The following ACAP1 variants were observed in gnomAD, a reference collection of about 807,000 sequenced individuals.
ACAP1 encodes arf-GAP with coiled-coil, ANK repeat and PH domain-containing protein 1.
ACAP1 carries 45 observed loss-of-function variants against 98.8 expected under a neutral mutation model. The observed-to-expected ratio is 0.46, with a 90% confidence interval of 0.36 to 0.58. The LOEUF is 0.58. Ranked by LOEUF, ACAP1 falls within the 20% of genes least tolerant of loss-of-function variation. The pLI, the probability that ACAP1 is intolerant of heterozygous loss-of-function variation, is 0.00. For missense variants in ACAP1, 735 were observed against 971.4 expected, an observed-to-expected ratio of 0.76 and a Z score of 3.24; for synonymous variants, 362 against 375.3, an observed-to-expected ratio of 0.96 and a Z score of 0.41.
intron 2 of ACAP1, among the ~76,000 whole-genome samples, chr17:7,339,257 T>C (rs2073251797): frequency 6.6e-6 from 1 of 150,412 alleles, no homozygotes; most frequent in Non-Finnish European, 1.5e-5. Flanking sequence ...GCCACTGCAC[T>C]CCAGCCTGGG....
intron 3 of ACAP1, 42 bp downstream of exon 3, chr17:7,342,109 T>C (rs1342798079): frequency 6.2e-7 from 1 of 1,610,382 alleles, no homozygotes. Flanking sequence ...GGGTCTGGGA[T>C]GAGGAGGTGA....
At chr17:7,337,714 C>T (rs1056674127) in intron 2 of ACAP1, among the ~76,000 whole-genome samples, 3 of 152,034 alleles carry the variant, frequency 2.0e-5, no homozygotes, top group Admixed American at 6.6e-5. Flanking sequence ...ATCATCCAGG[C>T]TTAGTGGCAC....
Position 7,346,406 on chromosome 17 carries a change from G to A in ACAP1, c.922G>A (p.Val308Met). 3.1e-6 allele frequency: 5 copies of A among 1,614,040 alleles called. No individual in the cohort carries two copies. Among genetic ancestry groups the A allele is most frequent in the Non-Finnish European group, 4.2e-6 (5 of 1,179,950 alleles). Residue 308 changes from valine (V) to methionine (M), a missense_variant, in exon 12 of 22, where the codon GTG (valine) becomes ATG (methionine). Val to Met is a conservative substitution (Grantham distance 21, BLOSUM62 1). Around this residue, in one of 5 missense-constraint regions of ACAP1, gnomAD observed 430 missense variants for 531.8 expected, o/e 0.81. Transcript: ENST00000158762. ...ATCCTGCCAGGACCCTGTGACTGTGGTGGTGGATGACCTTCGTCTCTGCAC... is the reference window on the plus strand; with the variant it reads ...ATCCTGCCAGGACCCTGTGACTGTGATGGTGGATGACCTTCGTCTCTGCAC... ...QKKYKDPVTVVVDDLRLCTVK... is the reference protein window; with the variant it reads ...QKKYKDPVTVMVDDLRLCTVK...
At chr17:7,339,586 C>T (rs1182923707) in intron 2 of ACAP1, among the ~76,000 whole-genome samples, 1 of 151,556 alleles carries the variant, frequency 6.6e-6, no homozygotes, top group African/African-American at 2.4e-5. Context: ...CTCCAGCCTG[C>T]GGAGGTCGCA....
In ACAP1 at chr17:7,350,422, G is replaced by A; in HGVS notation, c.2072+185G>A. ...TGCGCGAAGTGTGCACTGGGACGTG[G>A]AGTAGAAGGCAGGCGGGAGGGCGGG... On this transcript the variant is annotated intron_variant, in intron 20 of 21. Transcript: ENST00000158762. This position sits in a 1 kb window ranked among gnomAD's most constrained non-coding sequence, Gnocchi z 4.6. The A allele has an allele frequency of 1.9e-6, 1 of 533,650 alleles. No homozygotes were observed. Among genetic ancestry groups the A allele is most frequent in the Non-Finnish European group, 3.4e-6 (1 of 297,774 alleles). The allele number at this position is 533,650 out of a possible 1,614,324, so 33.1% of individuals were successfully genotyped here. A position where few individuals can be genotyped will look rare whatever the true frequency, so the allele number is the denominator to read the frequency against.
At chr17:7,351,040 G>T in intron 21 of ACAP1, 41 bp downstream of exon 21, 1 of 1,595,036 alleles carries the variant, frequency 6.3e-7, no homozygotes, top group Non-Finnish European at 8.6e-7. Context: ...CCCAACACCT[G>T]AACTCTGGGC....
chr17:7,337,910 G>A (rs1486445555), intron 2 of ACAP1, among the ~76,000 whole-genome samples: 5 of 151,942 alleles, frequency 3.3e-5, no homozygotes, highest in Non-Finnish European at 5.9e-5. Context: ...CTCCTGCATT[G>A]TGCCAGGCCC....
chr17:7,347,604 G>A (rs2073359584), intron 14 of ACAP1: 2 of 539,484 alleles, frequency 3.7e-6, no homozygotes, highest in South Asian at 2.3e-5. Flanking sequence ...ACCTCAGTGT[G>A]GTGGAAGGGA....
In ACAP1 at chr17:7,350,904, C is replaced by T; in HGVS notation, c.2073-46C>T. The T allele has an allele frequency of 6.2e-7, 1 of 1,608,436 alleles. No homozygotes were observed. Among genetic ancestry groups the T allele is most frequent in the Non-Finnish European group, 8.5e-7 (1 of 1,174,990 alleles). ...GGATTACAGGCGTGAGCCACCGCGC[C>T]CGGCCAAAGATAGTGTCGTTCATTT... On this transcript the variant is annotated intron_variant, in intron 20 of 21. Transcript: ENST00000158762. The surrounding 1 kb of genome is among the most constrained non-coding windows in gnomAD (Gnocchi z 4.6).
In ACAP1 at chr17:7,343,931, A is replaced by G; in HGVS notation, c.644A>G (p.Gln215Arg). 1 of 1,601,308 alleles carries G rather than the reference A, an allele frequency of 6.2e-7. No homozygotes were observed. Among genetic ancestry groups the G allele is most frequent in the Non-Finnish European group, 8.5e-7 (1 of 1,173,610 alleles). Residue 215 changes from glutamine (Q) to arginine (R), a missense_variant, in exon 8 of 22, where the codon CAG (glutamine) becomes CGG (arginine). By Grantham distance (43) the Gln-to-Arg change is conservative (BLOSUM62 1). Around this residue, in one of 5 missense-constraint regions of ACAP1, gnomAD observed 430 missense variants for 531.8 expected, o/e 0.81. Transcript: ENST00000158762. This position sits in a 1 kb window ranked among gnomAD's most constrained non-coding sequence, Gnocchi z 4.9. ...CATGAGGAGCTGAGCCGGCTGTCCC[A>G]GTATCGAAAGGAGCTGGGCGCCCAG... ...QGHEELSRLS[Q>R]YRKELGAQLH...
intron 2 of ACAP1, 130 bp from the exon 3 acceptor site, chr17:7,341,818 G>A: frequency 7.7e-7 from 1 of 1,302,468 alleles, no homozygotes. Flanking sequence ...TGAGCCTGGA[G>A]GGCAGTGAGG....
chr17:7,349,902 A>C, intron 18 of ACAP1, 43 bp from the exon 19 acceptor site: 3 of 1,487,518 alleles, frequency 2.0e-6, no homozygotes, highest in Non-Finnish European at 2.8e-6. Context: ...ATCCACCACT[A>C]GGGATGCCAC....
In ACAP1 at chr17:7,346,887, T is replaced by A; in HGVS notation, c.1087T>A (p.Phe363Ile). The change falls in exon 13 of 22, where the codon TTC (phenylalanine) becomes ATC (isoleucine). Residue 363 changes from phenylalanine (F) to isoleucine (I), a missense_variant. Transcript: ENST00000158762. ...SAVQSSIASA[F>I]SQARLDDSPR... ...TGTGCAGAGCAGCATTGCTTCTGCC[T>A]TCAGTCAGGCTCGCCTTGATGACAG... The A allele has an allele frequency of 6.2e-7, 1 of 1,613,248 alleles. No individual in the cohort carries two copies. Among genetic ancestry groups the A allele is most frequent in the Non-Finnish European group, 8.5e-7 (1 of 1,179,310 alleles).
At position 7,336,701 on chromosome 17, in the gene ACAP1, C is replaced by G; in HGVS notation, c.-34C>G. The G allele has an allele frequency of 1.2e-6, 2 of 1,613,416 alleles. No homozygotes were observed. The highest frequency in any genetic ancestry group is 8.5e-7 in the Non-Finnish European group (1 of 1,179,548). ...CCTGCATCCCCAGGGGCCCGGCCTCCAGGGCCCGCTGGCCCCACAGCAGGC... is the reference window on the plus strand; with the variant it reads ...CCTGCATCCCCAGGGGCCCGGCCTCGAGGGCCCGCTGGCCCCACAGCAGGC... On this transcript the variant is annotated 5_prime_UTR_variant, in exon 1 of 22. Transcript: ENST00000158762.
chr17:7,346,067 G>A lies in ACAP1; in HGVS notation c.855-177G>A, dbSNP rs1455321796. ...ATCTGGGTTGTCCAAGATAGGAATAGCATCCTTTAGATGTTCCAATCTGCA... is the reference window on the plus strand; with the variant it reads ...ATCTGGGTTGTCCAAGATAGGAATAACATCCTTTAGATGTTCCAATCTGCA... On this transcript the variant is annotated intron_variant, in intron 10 of 21. Coordinates refer to ENST00000158762, the MANE Select transcript of ACAP1 (RefSeq NM_014716.4). 1.1e-5 allele frequency: 7 copies of A among 665,726 alleles called. No homozygotes were observed. In the Admixed American group the frequency reaches 1.6e-4, roughly 15 times the overall value. The allele number at this position is 665,726 out of a possible 1,614,324, so 41.2% of individuals were successfully genotyped here.
At chr17:7,339,803 T>C (rs1479678333) in intron 2 of ACAP1, among the ~76,000 whole-genome samples, 1 of 152,206 alleles carries the variant, frequency 6.6e-6, no homozygotes, top group Non-Finnish European at 1.5e-5. Flanking sequence ...CACAAGGAAT[T>C]CCTTTACAGT....
At chr17:7,338,322 C>T (rs1445492310) in intron 2 of ACAP1, among the ~76,000 whole-genome samples, 3 of 151,992 alleles carry the variant, frequency 2.0e-5, no homozygotes, top group East Asian at 1.9e-4. Context: ...GGTGCGATCT[C>T]GGCTTACTGG....
chr17:7,348,027 C>T, intron 15 of ACAP1, 36 bp downstream of exon 15: 1 of 1,612,724 alleles, frequency 6.2e-7, no homozygotes, highest in Non-Finnish European at 8.5e-7. Flanking sequence ...GGGGCAAGAA[C>T]TTGGGGTGGG....
chr17:7,341,585 A>C (rs1017839726), intron 2 of ACAP1, among the ~76,000 whole-genome samples: 2 of 152,198 alleles, frequency 1.3e-5, no homozygotes. Flanking sequence ...CATCCAGACC[A>C]TGCAGGAATC....
Sources: allele counts gnomAD v4.1 joint callset (sites outside exome capture counted in the v4.1 genomes callset), GRCh38; gene constraint gnomAD v4.1.1; regional missense constraint gnomAD v4.1.1; non-coding constraint Gnocchi (gnomAD v3.1); transcripts MANE v1.5; gene names NCBI Gene and HGNC (gene_info 2026-07-23, HGNC 2026-07-21).